STK17A: variants seen among roughly 807,000 people sequenced by gnomAD.
STK17A encodes serine/threonine-protein kinase 17A.
A neutral mutation model predicts 43.7 loss-of-function variants in STK17A; 26 were observed. That is an observed-to-expected ratio of 0.60 (90% CI 0.44 to 0.83). STK17A has a LOEUF of 0.83. Among genes scored for constraint, STK17A ranks in the 40% least tolerant of loss-of-function variants. STK17A has a pLI of 0.00. For missense variants in STK17A, 476 were observed against 511.6 expected (o/e 0.93, Z 0.67); for synonymous variants, 191 against 182.5 (o/e 1.05, Z -0.38).
intron 3 of STK17A, among the ~76,000 whole-genome samples, chr7:43,617,891 G>A (rs1027256068): frequency 6.6e-6 from 1 of 152,190 alleles, no homozygotes; most frequent in Non-Finnish European, 1.5e-5. Context: ...GAGATAGGAA[G>A]AAAGCCAGGA....
At chr7:43,590,631 G>A (rs1037547262) in intron 1 of STK17A, among the ~76,000 whole-genome samples, 1 of 151,458 alleles carries the variant, frequency 6.6e-6, no homozygotes, top group Non-Finnish European at 1.5e-5. Context: ...TGAAAATTAT[G>A]GCAACTGTTT....
Position 43,608,254 on chromosome 7 carries a change from A to T in STK17A, c.420-2A>T. The T allele has an allele frequency of 6.2e-7, 1 of 1,608,288 alleles. No homozygotes were observed. Among genetic ancestry groups the T allele is most frequent in the Non-Finnish European group, 8.5e-7 (1 of 1,178,436 alleles). On this transcript the variant is annotated splice_acceptor_variant, in intron 2 of 6. Transcript: ENST00000319357. LOFTEE classifies it high-confidence loss of function. ...TATTACTTTAATTTTGCCCTTCTCTAGTGCTGCTGGGGGTGAAATCTTTGA... is the reference window on the plus strand; with the variant it reads ...TATTACTTTAATTTTGCCCTTCTCTTGTGCTGCTGGGGGTGAAATCTTTGA...
chr7:43,611,970 C>T (rs954145866), intron 3 of STK17A, among the ~76,000 whole-genome samples: 7 of 152,202 alleles, frequency 4.6e-5, no homozygotes, highest in African/African-American at 1.7e-4. Context: ...TTTGATGTTA[C>T]TTGAGAGCAT....
intron 2 of STK17A, among the ~76,000 whole-genome samples, chr7:43,599,401 T>C (rs34407109): frequency 0.2 from 30,044 of 152,286 alleles, 3,550 homozygotes; most frequent in East Asian, 0.33. Context: ...GTTGTCCACC[T>C]GAAAGCCTGG....
Position 43,623,769 on chromosome 7 carries a change from TAAAC to T in STK17A, c.804_807del (p.Gln269LysfsTer4), listed in dbSNP as rs1385354790. 6.2e-7 allele frequency: 1 copy of T among 1,608,624 alleles called. No individual in the cohort carries two copies. Among genetic ancestry groups the T allele is most frequent in the Non-Finnish European group, 8.5e-7 (1 of 1,178,292 alleles). On this transcript the variant is annotated frameshift_variant, in exon 6 of 7. Coordinates refer to ENST00000319357, the MANE Select transcript of STK17A (RefSeq NM_004760.3). LOFTEE classifies it high-confidence loss of function. ...GAATATCACCTTTCTTAGGCAATGA[TAAAC>T]AAGAAACATTCTTAAACATCTCACA...
At chr7:43,597,941 T>G (rs573579175) in intron 2 of STK17A, among the ~76,000 whole-genome samples, 62 of 151,438 alleles carry the variant, frequency 4.1e-4, no homozygotes, top group African/African-American at 1.4e-3. Flanking sequence ...CAAAAAAAAT[T>G]TATTTACATT....
intron 1 of STK17A, among the ~76,000 whole-genome samples, chr7:43,584,139 A>C (rs1449681779): frequency 6.6e-6 from 1 of 151,848 alleles, no homozygotes; most frequent in Non-Finnish European, 1.5e-5. Flanking sequence ...TTGTGGGAGT[A>C]GAGAGAGCTT....
In STK17A at chr7:43,583,170, G is replaced by A; in HGVS notation, c.-74G>A. The A allele has an allele frequency of 3.3e-6, 5 of 1,493,148 alleles. No individual in the cohort carries two copies. Among genetic ancestry groups the A allele is most frequent in the Non-Finnish European group, 4.5e-6 (5 of 1,110,778 alleles). 92.5% of individuals were successfully genotyped at this position (1,493,148 alleles called of 1,614,324 possible). On this transcript the variant is annotated 5_prime_UTR_variant, in exon 1 of 7. Coordinates refer to ENST00000319357, the MANE Select transcript of STK17A (RefSeq NM_004760.3). Reference sequence around the variant, plus strand: ...AAGGCTCCGCGGACCGGCACTAGGAGCCGGGGGCGGGTCCGTGACCCTCCG... The same window carrying A: ...AAGGCTCCGCGGACCGGCACTAGGAACCGGGGGCGGGTCCGTGACCCTCCG...
At chr7:43,603,284 TG>T (rs2082567392) in intron 2 of STK17A, among the ~76,000 whole-genome samples, 1 of 152,202 alleles carries the variant, frequency 6.6e-6, no homozygotes, top group South Asian at 2.1e-4. Context: ...ACTTTTAGTT[TG>T]AAGAGGAAGT....
At chr7:43,612,506 C>G (rs528916501) in intron 3 of STK17A, among the ~76,000 whole-genome samples, 1 of 152,292 alleles carries the variant, frequency 6.6e-6, no homozygotes, top group East Asian at 1.9e-4. Flanking sequence ...CCCACATTGC[C>G]TCAAAGCTAA....
At chr7:43,595,786 A>G (rs1464419709) in intron 1 of STK17A, 115 bp from the exon 2 acceptor site, 3 of 864,300 alleles carry the variant, frequency 3.5e-6, no homozygotes, top group Non-Finnish European at 5.3e-6. Context: ...TACTTTTGTG[A>G]TTGTATATAA....
At chr7:43,613,983 A>C (rs1259118746) in intron 3 of STK17A, among the ~76,000 whole-genome samples, 1 of 152,204 alleles carries the variant, frequency 6.6e-6, no homozygotes, top group African/African-American at 2.4e-5. Context: ...ATTCCTAAAC[A>C]GTCCCCCAAA....
intron 3 of STK17A, among the ~76,000 whole-genome samples, chr7:43,614,828 A>T (rs1302253637): frequency 2.0e-5 from 3 of 152,274 alleles, no homozygotes; most frequent in Non-Finnish European, 2.9e-5. Flanking sequence ...ACACTGATTT[A>T]GGATTTACAA....
chr7:43,583,460 G>A lies in STK17A; in HGVS notation c.206+11G>A. The stretch of plus-strand genomic sequence containing the variant: ...CCGGGAGCTGGGCAGGTGAGGACGG[G>A]CGGGGCCCGGCGCGGAACCTTCCCG... On this transcript the variant is annotated intron_variant, in intron 1 of 6. Coordinates refer to ENST00000319357, the MANE Select transcript of STK17A (RefSeq NM_004760.3). 2 of 1,304,350 alleles carry A rather than the reference G, an allele frequency of 1.5e-6. No individual in the cohort carries two copies. The highest frequency in any genetic ancestry group is 9.7e-7 in the Non-Finnish European group (1 of 1,028,576). The allele number at this position is 1,304,350 out of a possible 1,614,324, so 80.8% of individuals were successfully genotyped here. A position where few individuals can be genotyped will look rare whatever the true frequency, so the allele number is the denominator to read the frequency against.
At chr7:43,608,976 G>T (rs2082656467) in intron 3 of STK17A, 1 of 152,294 alleles carries the variant, frequency 6.6e-6, no homozygotes. Flanking sequence ...ATCAAAGGCG[G>T]AGAAGAGGAA....
rs1343794257 is a variant in STK17A at position 43,626,918 on chromosome 7, G to T, written c.*2076G>T. The T allele has an allele frequency of 6.6e-6, 1 of 152,138 alleles. No homozygotes were observed. Among genetic ancestry groups the T allele is most frequent in the Non-Finnish European group, 1.5e-5 (1 of 68,034 alleles). 9.4% of individuals were successfully genotyped at this position (152,138 alleles called of 1,614,324 possible). Reference sequence around the variant, plus strand: ...TTAAGAGGCCCTTCAGAATATACTTGTAAAGGTGTATTGGCATTTTTTGGT... The same window carrying T: ...TTAAGAGGCCCTTCAGAATATACTTTTAAAGGTGTATTGGCATTTTTTGGT... On this transcript the variant is annotated 3_prime_UTR_variant, in exon 7 of 7. Transcript: ENST00000319357.
intron 2 of STK17A, among the ~76,000 whole-genome samples, chr7:43,605,973 C>G (rs1391674243): frequency 2.0e-5 from 3 of 151,434 alleles, no homozygotes; most frequent in Non-Finnish European, 2.9e-5. Context: ...TAGTGGACTT[C>G]TAAGTAATCC....
At chr7:43,610,590 C>T (rs1167320353) in intron 3 of STK17A, among the ~76,000 whole-genome samples, 1 of 151,952 alleles carries the variant, frequency 6.6e-6, no homozygotes. Context: ...TCGCTTGAAT[C>T]CGGGAGGTGG....
intron 1 of STK17A, among the ~76,000 whole-genome samples, chr7:43,585,106 C>T (rs767733611): frequency 2.6e-5 from 4 of 151,764 alleles, no homozygotes; most frequent in Non-Finnish European, 5.9e-5. Flanking sequence ...CTGAGGTAGG[C>T]GAATCACTTG....
Sources: gnomAD v4.1 joint callset for allele counts (sites outside exome capture counted in the v4.1 genomes callset) on GRCh38, gnomAD v4.1.1 for gene constraint, MANE v1.5 for transcripts, NCBI Gene and HGNC (gene_info 2026-07-23, HGNC 2026-07-21) for gene names.